EPHB1: variants seen among roughly 807,000 people sequenced by gnomAD.
The protein encoded by EPHB1 is EPH receptor B1, also known as ephrin type-B receptor 1.
A neutral mutation model predicts 94.4 loss-of-function variants in EPHB1; 30 were observed. The observed-to-expected ratio is 0.32, with a 90% CI of 0.24 to 0.43. The LOEUF (loss-of-function observed/expected upper bound fraction) is 0.43, where lower values mean the gene tolerates loss of function less well. Among genes scored for constraint, EPHB1 ranks in the 20% least tolerant of loss-of-function variants. EPHB1 has a pLI of 1.00. For synonymous variants in EPHB1, 522 were observed against 489.1 expected, an observed-to-expected ratio of 1.07 and a Z score of -0.89; for missense variants, 1,055 against 1,308.3, an observed-to-expected ratio of 0.81 and a Z score of 2.99.
intron 3 of EPHB1, among the ~76,000 whole-genome samples, chr3:135,037,619 G>A (rs139289248): frequency 4.6e-5 from 7 of 152,252 alleles, no homozygotes; most frequent in South Asian, 4.1e-4. Context: ...TCTCCCCACC[G>A]CCCATCAGTG....
chr3:135,160,421 T>C (rs2107697446), intron 6 of EPHB1, among the ~76,000 whole-genome samples: 1 of 152,354 alleles, frequency 6.6e-6, no homozygotes, highest in Admixed American at 6.5e-5. Context: ...CTGTTTCTTC[T>C]GTCATTTTAC....
intron 1 of EPHB1, among the ~76,000 whole-genome samples, chr3:134,919,530 C>T (rs539111236): frequency 7.9e-5 from 12 of 152,260 alleles, no homozygotes; most frequent in East Asian, 7.7e-4. Context: ...GCAGGAGGTC[C>T]GGACATGGTG....
At chr3:135,121,446 G>T (rs1303728112) in intron 4 of EPHB1, among the ~76,000 whole-genome samples, 1 of 152,210 alleles carries the variant, frequency 6.6e-6, no homozygotes, top group Non-Finnish European at 1.5e-5. Flanking sequence ...TAGAAGTTCT[G>T]TCCTGTAAGA....
chr3:135,052,581 G>A (rs1937199600), intron 3 of EPHB1, among the ~76,000 whole-genome samples: 1 of 151,650 alleles, frequency 6.6e-6, no homozygotes, highest in Non-Finnish European at 1.5e-5. Flanking sequence ...AATATAAATG[G>A]CCAAGCGCAG....
intron 1 of EPHB1, 33 bp downstream of exon 1, chr3:134,795,722 T>A (rs922719129): frequency 1.2e-6 from 2 of 1,605,816 alleles, no homozygotes; most frequent in Non-Finnish European, 1.7e-6. Flanking sequence ...AGTTGGCTGC[T>A]GGTGCCGGCC....
chr3:135,249,266 C>A, intron 14 of EPHB1, 70 bp from the exon 15 acceptor site: 1 of 1,516,738 alleles, frequency 6.6e-7, no homozygotes, highest in Non-Finnish European at 8.8e-7. Context: ...AGTCAGCTGT[C>A]AGGCCAGACT....
At chr3:134,883,038 G>A (rs930941040) in intron 1 of EPHB1, among the ~76,000 whole-genome samples, 2 of 152,002 alleles carry the variant, frequency 1.3e-5, no homozygotes, top group African/African-American at 4.8e-5. Context: ...TAGCCAGGAT[G>A]GTCTCGATCT....
chr3:135,153,005 A>G (rs1450868615), intron 5 of EPHB1, among the ~76,000 whole-genome samples: 2 of 152,162 alleles, frequency 1.3e-5, no homozygotes, highest in African/African-American at 4.8e-5. Flanking sequence ...GACTAGCAGC[A>G]TCTTCAGAAC....
intron 1 of EPHB1, chr3:134,823,835 G>A (rs1057218328): frequency 7.9e-5 from 12 of 152,326 alleles, no homozygotes; most frequent in African/African-American, 2.9e-4. Flanking sequence ...ATGGCAACAG[G>A]CTATGATGTC....
intron 3 of EPHB1, among the ~76,000 whole-genome samples, chr3:135,044,439 T>G (rs149714702): frequency 1.2e-3 from 190 of 152,264 alleles, no homozygotes; most frequent in Middle Eastern, 3.4e-3. Context: ...TTGCAGCACA[T>G]TGTGTGCTGC....
intron 1 of EPHB1, among the ~76,000 whole-genome samples, chr3:134,913,411 C>T (rs901191320): frequency 2.6e-5 from 4 of 152,124 alleles, no homozygotes; most frequent in Non-Finnish European, 1.5e-5. Flanking sequence ...CTGCCAGGTC[C>T]GACACATCAG....
rs1942271790 is a variant in EPHB1, at chr3:135,184,287, G to T, written c.1882+4305G>T. Among the ~76,000 whole-genome samples, 6 of 152,260 alleles carry T rather than the reference G, an allele frequency of 3.9e-5. No homozygotes were observed. The South Asian group carries it at 1.2e-3, about 32-fold the overall frequency. ...GTGCATGTGAGTGAAGACCCACGGA[G>T]GGAAAGTTCAGAAATTGTGAGGCTG... On this transcript the variant is annotated intron_variant, in intron 10 of 15. Transcript: ENST00000398015.
chr3:134,971,473 T>G (rs530938468), intron 3 of EPHB1, among the ~76,000 whole-genome samples: 15 of 152,324 alleles, frequency 9.8e-5, no homozygotes, highest in Non-Finnish European at 2.9e-5. Flanking sequence ...GATGGGTGGA[T>G]GGAGCGAGGG....
At chr3:135,166,312 C>G (rs561555906) in intron 8 of EPHB1, among the ~76,000 whole-genome samples, 1 of 152,188 alleles carries the variant, frequency 6.6e-6, no homozygotes, top group African/African-American at 2.4e-5. Flanking sequence ...CTCATTTTAA[C>G]GAAGACTTTT....
chr3:135,043,117 C>T (rs1244649254), intron 3 of EPHB1, among the ~76,000 whole-genome samples: 2 of 152,122 alleles, frequency 1.3e-5, no homozygotes, highest in African/African-American at 4.8e-5. Flanking sequence ...GCTGAGATGA[C>T]AGGTGTGAGC....
At chr3:134,867,861 C>T (rs141050906) in intron 1 of EPHB1, among the ~76,000 whole-genome samples, 21 of 152,204 alleles carry the variant, frequency 1.4e-4, no homozygotes, top group Admixed American at 7.2e-4. Context: ...CTGGAGTTCT[C>T]GCCTCCTGGG....
At chr3:134,847,933 C>T (rs951616998) in intron 1 of EPHB1, among the ~76,000 whole-genome samples, 2 of 152,204 alleles carry the variant, frequency 1.3e-5, no homozygotes, top group Non-Finnish European at 2.9e-5. Context: ...CTTGCACATA[C>T]TTGGTGCTTA....
At chr3:134,865,405 G>C (rs2037352763) in intron 1 of EPHB1, among the ~76,000 whole-genome samples, 1 of 152,070 alleles carries the variant, frequency 6.6e-6, no homozygotes, top group African/African-American at 2.4e-5. Context: ...AATTAGCACA[G>C]TTCTTAATAA....
chr3:135,009,461 A>T (rs1935546022), intron 3 of EPHB1, among the ~76,000 whole-genome samples: 1 of 152,186 alleles, frequency 6.6e-6, no homozygotes, highest in South Asian at 2.1e-4. Context: ...TGTATCCTGT[A>T]TCTTTGAGAT....
Sources: allele counts gnomAD v4.1 joint callset (sites outside exome capture counted in the v4.1 genomes callset), GRCh38; gene constraint gnomAD v4.1.1; transcripts MANE v1.5; gene names NCBI Gene and HGNC (gene_info 2026-07-23, HGNC 2026-07-21).